The following NRG1 variants were observed in gnomAD, a reference collection of about 807,000 sequenced individuals.
The protein encoded by NRG1 is neuregulin 1, also known as pro-neuregulin-1, membrane-bound isoform.
In NRG1, 18 loss-of-function variants were observed where a neutral mutation model predicts 63.8. The ratio of observed to expected loss-of-function variants is 0.28; its 90% confidence interval spans 0.19 to 0.42. The LOEUF (loss-of-function observed/expected upper bound fraction) is 0.42, where lower values mean the gene tolerates loss of function less well. NRG1 is among the 10% of genes least tolerant of loss of function. The pLI is 1.00. For missense variants in NRG1, 762 were observed against 814.7 expected, an observed-to-expected ratio of 0.94 and a Z score of 0.79; for synonymous variants, 302 against 301.3, an observed-to-expected ratio of 1.00 and a Z score of -0.02.
chr8:32,211,319 A>C (rs1425666742), intron 1 of NRG1, among the ~76,000 whole-genome samples: 1 of 152,138 alleles, frequency 6.6e-6, no homozygotes, highest in Admixed American at 6.5e-5. Flanking sequence ...ATCATTCACT[A>C]GTTGGCAGGT....
At chr8:32,001,740 T>C (rs57350913) in intron 1 of NRG1, among the ~76,000 whole-genome samples, 6,537 of 152,026 alleles carry the variant, frequency 0.043, 443 homozygotes, top group African/African-American at 0.15. Context: ...ACTGATGTTT[T>C]CCTAAGTACC....
At chr8:32,329,471 A>G (rs1802389787) in intron 1 of NRG1, among the ~76,000 whole-genome samples, 2 of 152,230 alleles carry the variant, frequency 1.3e-5, no homozygotes, top group African/African-American at 4.8e-5. Context: ...TTTTAAAAAC[A>G]TGATGAAACT....
chr8:31,834,307 G>GCGCA (rs1554547025), intron 1 of NRG1, among the ~76,000 whole-genome samples: 3 of 119,430 alleles, frequency 2.5e-5, no homozygotes, highest in Admixed American at 7.9e-5. Flanking sequence ...GCGCACGCGC[G>GCGCA]CACACACACA....
intron 1 of NRG1, among the ~76,000 whole-genome samples, chr8:32,458,341 GA>G (rs1821874960): frequency 6.6e-6 from 1 of 152,112 alleles, no homozygotes; most frequent in Non-Finnish European, 1.5e-5. Context: ...ATAAATAAAT[GA>G]AAATATTTTA....
chr8:31,820,336 G>A (rs1823885841), intron 1 of NRG1, among the ~76,000 whole-genome samples: 1 of 152,164 alleles, frequency 6.6e-6, no homozygotes. Context: ...GAGATAGAAA[G>A]ACTTGTATGT....
intron 8 of NRG1, 122 bp downstream of exon 8, chr8:32,754,596 G>A (rs1829339233): frequency 2.4e-6 from 2 of 836,492 alleles, no homozygotes; most frequent in South Asian, 3.1e-5. Flanking sequence ...AGGAGGGGCA[G>A]GGGGAGATTA....
chr8:32,485,665 T>C (rs537506758), intron 1 of NRG1, among the ~76,000 whole-genome samples: 2 of 152,332 alleles, frequency 1.3e-5, no homozygotes, highest in South Asian at 2.1e-4. Flanking sequence ...CCCTGTTTCA[T>C]TGAGAACACA....
At chr8:32,332,785 T>C (rs1410662518) in intron 1 of NRG1, among the ~76,000 whole-genome samples, 2 of 152,180 alleles carry the variant, frequency 1.3e-5, no homozygotes, top group Non-Finnish European at 1.5e-5. Flanking sequence ...CCGTGAGGCC[T>C]CTCTGTCATA....
chr8:32,548,428 C>T (rs999418719), exon 1 of NRG1: 11 of 1,126,040 alleles, frequency 9.8e-6, no homozygotes, highest in Middle Eastern at 3.8e-4. Context: ...TGCGAGGGCG[C>T]CGGGCAGAGG....
At chr8:32,488,505 G>C (rs1826167170) in intron 1 of NRG1, among the ~76,000 whole-genome samples, 1 of 152,114 alleles carries the variant, frequency 6.6e-6, no homozygotes, top group African/African-American at 2.4e-5. Context: ...GCTGGGCACA[G>C]TGGCTCACAT....
chr8:31,818,537 A>T (rs1225703999), intron 1 of NRG1, among the ~76,000 whole-genome samples: 1 of 152,162 alleles, frequency 6.6e-6, no homozygotes, highest in Non-Finnish European at 1.5e-5. Context: ...CAGGCATTAC[A>T]TTCTCATAAG....
At chr8:32,615,472 G>A (rs545285080) in intron 4 of NRG1, among the ~76,000 whole-genome samples, 20 of 152,070 alleles carry the variant, frequency 1.3e-4, no homozygotes, top group Non-Finnish European at 2.5e-4. Flanking sequence ...TTTTACAGAT[G>A]AGAAAACTGA....
intron 1 of NRG1, among the ~76,000 whole-genome samples, chr8:31,942,957 G>GAA (rs145183890): frequency 0.036 from 5,400 of 151,574 alleles, 347 homozygotes; most frequent in African/African-American, 0.12. Context: ...GGTGGGAATG[G>GAA]ACTAGTACAA....
intron 1 of NRG1, among the ~76,000 whole-genome samples, chr8:31,956,195 C>G (rs998795483): frequency 6.6e-6 from 1 of 151,960 alleles, no homozygotes; most frequent in Non-Finnish European, 1.5e-5. Context: ...TGTGAATTCC[C>G]CAAGCCCAGC....
intron 1 of NRG1, among the ~76,000 whole-genome samples, chr8:31,788,832 G>T (rs928464469): frequency 6.6e-6 from 1 of 152,192 alleles, no homozygotes; most frequent in Non-Finnish European, 1.5e-5. Context: ...CTAACAACAA[G>T]TAAGTGAAGG....
intron 1 of NRG1, among the ~76,000 whole-genome samples, chr8:31,974,909 G>A (rs977838722): frequency 1.3e-5 from 2 of 152,114 alleles, no homozygotes; most frequent in African/African-American, 4.8e-5. Flanking sequence ...CAACTGCAGG[G>A]AACACCTCAG....
In NRG1 at chr8:31,758,262, A is replaced by G. The variant is rs201903633; in HGVS notation, c.37+118831A>G. Among the ~76,000 whole-genome samples, 61 of 152,158 alleles carry G rather than the reference A, an allele frequency of 4.0e-4. No individual in the cohort carries two copies. In the East Asian group the frequency reaches 0.011, roughly 29 times the overall value. ...GTGTGATGTTCCCCGCTCTGTGTCC[A>G]TGTGTTCTCATTGTTCAACTCCCAC... On this transcript the variant is annotated intron_variant, in intron 1 of 10. Transcript: ENST00000519301.
intron 7 of NRG1, among the ~76,000 whole-genome samples, chr8:32,753,456 T>A (rs528774410): frequency 2.8e-4 from 43 of 152,220 alleles, no homozygotes; most frequent in Non-Finnish European, 4.4e-4. Flanking sequence ...AGTGTCACAT[T>A]TCCTTAGTAT....
intron 1 of NRG1, among the ~76,000 whole-genome samples, chr8:32,459,385 T>C (rs1822020440): frequency 6.6e-6 from 1 of 152,166 alleles, no homozygotes; most frequent in African/African-American, 2.4e-5. Context: ...TCTTGCATAG[T>C]TTAGCGGTAG....
Sources: gnomAD v4.1 joint callset for allele counts (sites outside exome capture counted in the v4.1 genomes callset) on GRCh38, gnomAD v4.1.1 for gene constraint, MANE v1.5 for transcripts, NCBI Gene and HGNC (gene_info 2026-07-23, HGNC 2026-07-21) for gene names.